The following STRN variants were observed in gnomAD, a reference collection of about 807,000 sequenced individuals.
The protein encoded by STRN is striatin.
In STRN, 53 loss-of-function variants were observed where a neutral mutation model predicts 96.3. The observed-to-expected ratio is 0.55, with a 90% confidence interval of 0.44 to 0.69. The LOEUF (loss-of-function observed/expected upper bound fraction) is 0.69. Among genes scored for constraint, STRN ranks in the 30% least tolerant of loss-of-function variants. The pLI is 0.00. For missense variants in STRN, 987 were observed against 963.9 expected (o/e 1.02, Z -0.32); for synonymous variants, 428 against 355.9 (o/e 1.20, Z -2.28).
intron 3 of STRN, among the ~76,000 whole-genome samples, chr2:36,909,551 G>A (rs1669911901): frequency 6.6e-6 from 1 of 152,130 alleles, no homozygotes; most frequent in South Asian, 2.1e-4. Context: ...TAAGCCTCAT[G>A]ATTATCCCAG....
rs1458558274 is a variant in STRN at position 36,940,762 on chromosome 2, G to A, written c.235-15554C>T. Among the ~76,000 whole-genome samples the A allele has an allele frequency of 2.7e-5, 4 of 149,718 alleles. No homozygotes were observed. The South Asian group carries it at 6.3e-4, about 24-fold the overall frequency. On this transcript the variant is annotated intron_variant, in intron 1 of 17. Coordinates refer to ENST00000263918, the MANE Select transcript of STRN (RefSeq NM_003162.4). ...TGAGGCAGGAGAATGGTGTGAACCCGCGAAGCAGAGCTTGCAGTGGGCCAA... is the reference window on the plus strand; with the variant it reads ...TGAGGCAGGAGAATGGTGTGAACCCACGAAGCAGAGCTTGCAGTGGGCCAA...
In STRN at chr2:36,838,913, T is replaced by G. The variant is rs899647652; in HGVS notation, c.*10543A>C. ...TTAAAGCAAACTGCCCACCAAAATATCTTCTCATTAACGTTAGACTGTATA... is the reference window on the plus strand; with the variant it reads ...TTAAAGCAAACTGCCCACCAAAATAGCTTCTCATTAACGTTAGACTGTATA... On this transcript the variant is annotated 3_prime_UTR_variant, in exon 18 of 18. Transcript: ENST00000263918. Among the ~76,000 whole-genome samples, 1 of 152,172 alleles carries G rather than the reference T, an allele frequency of 6.6e-6. No homozygotes were observed. Among genetic ancestry groups the G allele is most frequent in the African/African-American group, 2.4e-5 (1 of 41,440 alleles).
intron 6 of STRN, among the ~76,000 whole-genome samples, chr2:36,896,477 T>C (rs1419002028): frequency 6.6e-6 from 1 of 152,220 alleles, no homozygotes; most frequent in African/African-American, 2.4e-5. Context: ...AATAAGCATG[T>C]ATTACTTTTC....
chr2:36,944,873 T>G (rs990385861), intron 1 of STRN, among the ~76,000 whole-genome samples: 8 of 152,118 alleles, frequency 5.3e-5, no homozygotes, highest in African/African-American at 1.9e-4. Flanking sequence ...AACTTTAAAT[T>G]TATCAGACTA....
intron 1 of STRN, among the ~76,000 whole-genome samples, chr2:36,950,762 T>C (rs1467227919): frequency 2.6e-5 from 4 of 152,318 alleles, no homozygotes; most frequent in Admixed American, 6.5e-5. Flanking sequence ...ACATGAAGCT[T>C]TGACAACTCC....
At chr2:36,895,626 T>A (rs1669519016) in intron 6 of STRN, among the ~76,000 whole-genome samples, 1 of 151,440 alleles carries the variant, frequency 6.6e-6, no homozygotes, top group Admixed American at 6.6e-5. Context: ...GAAAGGTGTA[T>A]CTGGGCCAGG....
At chr2:36,910,843 G>A (rs1669947377) in intron 3 of STRN, among the ~76,000 whole-genome samples, 1 of 152,022 alleles carries the variant, frequency 6.6e-6, no homozygotes, top group Non-Finnish European at 1.5e-5. Context: ...TATTAAATAG[G>A]AGAGACTGAA....
At chr2:36,914,704 CA>C (rs1466243652) in intron 3 of STRN, among the ~76,000 whole-genome samples, 3 of 152,098 alleles carry the variant, frequency 2.0e-5, no homozygotes, top group African/African-American at 7.2e-5. Context: ...AATACAGAAG[CA>C]ACATGGTAAA....
chr2:36,860,178 A>G (rs568538350), intron 13 of STRN, among the ~76,000 whole-genome samples: 46 of 152,328 alleles, frequency 3.0e-4, no homozygotes, highest in Non-Finnish European at 6.3e-4. Flanking sequence ...CAGAAGAGCA[A>G]GAGATTAGAA....
At chr2:36,860,004 G>T (rs1668436241) in intron 13 of STRN, among the ~76,000 whole-genome samples, 1 of 152,150 alleles carries the variant, frequency 6.6e-6, no homozygotes, top group Non-Finnish European at 1.5e-5. Flanking sequence ...AGAAACAGAT[G>T]ATGAGGAAAA....
At chr2:36,887,042 GACACACACACACACACACACACACAC>G (rs70946957) in intron 7 of STRN, among the ~76,000 whole-genome samples, 40 of 144,886 alleles carry the variant, frequency 2.8e-4, no homozygotes, top group Non-Finnish European at 4.2e-4. Context: ...TCTCCTGAAA[GACACACACACACACACACACACACAC>G]ACACACACAC....
chr2:36,925,804 C>T (rs1670393926), intron 1 of STRN, among the ~76,000 whole-genome samples: 1 of 152,080 alleles, frequency 6.6e-6, no homozygotes, highest in Non-Finnish European at 1.5e-5. Flanking sequence ...AATATTAATG[C>T]AAACAAATGC....
Position 36,875,903 on chromosome 2 carries a change from C to T in STRN, c.1323+1988G>A, listed in dbSNP as rs538242481. Among the ~76,000 whole-genome samples the T allele has an allele frequency of 5.5e-4, 84 of 152,190 alleles. 1 individual carries two copies. In the East Asian group the frequency reaches 0.014, roughly 26 times the overall value. The stretch of plus-strand genomic sequence containing the variant: ...CGATCTCTTGACCTCGTGATCTGCC[C>T]GCCTCGGCCTCCCAAAGTGCTGGGA... On this transcript the variant is annotated intron_variant, in intron 10 of 17. Transcript: ENST00000263918.
rs1016443744 is a variant in STRN, at chr2:36,958,366, A to C, written c.234+7864T>G. 2.6e-5 allele frequency among the ~76,000 whole-genome samples: 4 copies of C among 152,342 alleles called. No individual in the cohort carries two copies. In the South Asian group the frequency reaches 8.3e-4, roughly 32 times the overall value. On this transcript the variant is annotated intron_variant, in intron 1 of 17. Transcript: ENST00000263918. ...CCTCAGATAAAGGAAACGCAAAGACACTAACTAAAAAATAACTACTTACTA... is the reference window on the plus strand; with the variant it reads ...CCTCAGATAAAGGAAACGCAAAGACCCTAACTAAAAAATAACTACTTACTA...
chr2:36,955,176 G>A (rs1316901415), intron 1 of STRN, among the ~76,000 whole-genome samples: 5 of 152,206 alleles, frequency 3.3e-5, no homozygotes, highest in African/African-American at 9.6e-5. Flanking sequence ...AAAAAGGAGA[G>A]GATATGGTAT....
At chr2:36,891,089 C>T (rs907176223) in intron 7 of STRN, among the ~76,000 whole-genome samples, 4 of 152,166 alleles carry the variant, frequency 2.6e-5, no homozygotes, top group Non-Finnish European at 5.9e-5. Context: ...TGCTCCAATG[C>T]GTATTTTCTT....
In STRN at chr2:36,840,215, G is replaced by C. The variant is rs1378584364; in HGVS notation, c.*9241C>G. ...TTCTGAGCCCAGGATAATCAAGGCA[G>C]GCTCAGGTTCCAGGCTAGAAAAGCT... On this transcript the variant is annotated 3_prime_UTR_variant, in exon 18 of 18. Transcript: ENST00000263918. 6.6e-6 allele frequency: 1 copy of C among 151,968 alleles called. No individual in the cohort carries two copies. Among genetic ancestry groups the C allele is most frequent in the Non-Finnish European group, 1.5e-5 (1 of 68,014 alleles). The allele number at this position is 151,968 out of a possible 1,614,324, so 9.4% of individuals were successfully genotyped here.
intron 9 of STRN, among the ~76,000 whole-genome samples, chr2:36,881,118 CTTTTTTTT>C (rs3081783): frequency 3.8e-5 from 3 of 78,980 alleles, no homozygotes; most frequent in Non-Finnish European, 4.8e-5. Context: ...ACACTGCCTT[CTTTTTTTT>C]TTTTTTTTTT....
In STRN at chr2:36,839,315, G is replaced by C. The variant is rs1252108444; in HGVS notation, c.*10141C>G. The stretch of plus-strand genomic sequence containing the variant: ...CCCCCACCTGGAATGTGCTGCATCA[G>C]GTGAAGTTTTTGTTTACTGCTGACT... On this transcript the variant is annotated 3_prime_UTR_variant, in exon 18 of 18. Coordinates refer to ENST00000263918, the MANE Select transcript of STRN (RefSeq NM_003162.4). Among the ~76,000 whole-genome samples the C allele has an allele frequency of 6.6e-6, 1 of 152,088 alleles. No individual in the cohort carries two copies. Among genetic ancestry groups the C allele is most frequent in the Non-Finnish European group, 1.5e-5 (1 of 68,020 alleles).
Sources: allele counts gnomAD v4.1 joint callset (sites outside exome capture counted in the v4.1 genomes callset), GRCh38; gene constraint gnomAD v4.1.1; transcripts MANE v1.5; gene names NCBI Gene and HGNC (gene_info 2026-07-23, HGNC 2026-07-21).